The following C1orf159 variants were observed in gnomAD, a reference collection of about 807,000 sequenced individuals.
The protein encoded by C1orf159 is chromosome 1 open reading frame 159.
Under a neutral mutation model 25.6 loss-of-function variants are expected in C1orf159, and 19 were observed. The ratio of observed to expected loss-of-function variants is 0.74; its 90% CI spans 0.52 to 1.09. The LOEUF (loss-of-function observed/expected upper bound fraction) is 1.09, where lower values mean the gene tolerates loss of function less well. Ranked by LOEUF, C1orf159 falls within the 50% of genes least tolerant of loss-of-function variation. The probability of loss-of-function intolerance (pLI) is 0.00; values close to 1 mark genes in which losing one functional copy is unlikely to be tolerated. For synonymous variants in C1orf159, 139 were observed against 124.7 expected, an observed-to-expected ratio of 1.12 and a Z score of -0.77; for missense variants, 274 against 290.6, an observed-to-expected ratio of 0.94 and a Z score of 0.42.
At chr1:1,083,880 G>C in intron 9 of C1orf159, 1 of 1,530,298 alleles carries the variant, frequency 6.5e-7, no homozygotes, top group Non-Finnish European at 8.9e-7. Context: ...CACTCAGCCT[G>C]TGTCTGTGGC....
At chr1:1,109,955 T>TG (rs1004794015) in intron 1 of C1orf159, among the ~76,000 whole-genome samples, 25 of 152,098 alleles carry the variant, frequency 1.6e-4, no homozygotes, top group African/African-American at 5.6e-4. Context: ...GGCCGTGAAA[T>TG]GGGGGGTCAG....
chr1:1,084,236 G>A (rs1645791824), intron 9 of C1orf159, 117 bp downstream of exon 9: 1 of 1,520,580 alleles, frequency 6.6e-7, no homozygotes, highest in Middle Eastern at 1.8e-4. Flanking sequence ...GGGGACCCGG[G>A]CAGGGGTGGC....
intron 1 of C1orf159, among the ~76,000 whole-genome samples, chr1:1,107,535 C>A (rs146618846): frequency 6.6e-6 from 1 of 152,146 alleles, no homozygotes; most frequent in Non-Finnish European, 1.5e-5. Flanking sequence ...AGAACTTTTA[C>A]GTCTAGCTAG....
chr1:1,111,365 CAAAAAAAAAAAA>C (rs35082223), intron 1 of C1orf159, among the ~76,000 whole-genome samples: 494 of 109,096 alleles, frequency 4.5e-3, no homozygotes, highest in African/African-American at 0.015. Context: ...TCATCTCTAC[CAAAAAAAAAAAA>C]AAAAAAAAAT....
intron 7 of C1orf159, among the ~76,000 whole-genome samples, chr1:1,084,996 C>T (rs1645807152): frequency 6.6e-6 from 1 of 152,144 alleles, no homozygotes; most frequent in South Asian, 2.1e-4. Context: ...GTCCCGTGGC[C>T]ACCAGGGCTG....
chr1:1,095,306 C>T (rs1223352770), intron 1 of C1orf159, among the ~76,000 whole-genome samples: 1 of 152,256 alleles, frequency 6.6e-6, no homozygotes, highest in Non-Finnish European at 1.5e-5. Context: ...GTCTTTTCAT[C>T]ACGGACATGC....
chr1:1,091,873 C>A, intron 2 of C1orf159, 118 bp downstream of exon 2: 2 of 460,806 alleles, frequency 4.3e-6, no homozygotes, highest in South Asian at 3.7e-5. Context: ...GGGGCAGGGC[C>A]GTGGCAGGGG....
intron 3 of C1orf159, chr1:1,091,254 A>G: frequency 1.5e-6 from 1 of 648,986 alleles, no homozygotes; most frequent in Non-Finnish European, 2.7e-6. Flanking sequence ...CGCCTGACCC[A>G]GCCATTCCTG....
At chr1:1,108,256 CCAT>C (rs1391369614) in intron 1 of C1orf159, among the ~76,000 whole-genome samples, 2 of 141,534 alleles carry the variant, frequency 1.4e-5, no homozygotes, top group East Asian at 2.2e-4. Context: ...ACCACAGCCA[CCAT>C]GTCTCAGCAG....
At chr1:1,091,420 C>T (rs1269547665) in intron 3 of C1orf159, 52 bp downstream of exon 3, 2 of 1,446,084 alleles carry the variant, frequency 1.4e-6, no homozygotes, top group East Asian at 2.5e-5. Flanking sequence ...GCCCACCGCC[C>T]TCCACAGAGG....
At chr1:1,112,994 G>A (rs946445042) in intron 1 of C1orf159, among the ~76,000 whole-genome samples, 6 of 152,156 alleles carry the variant, frequency 3.9e-5, no homozygotes, top group Non-Finnish European at 8.8e-5. Flanking sequence ...TTGGGAGTTC[G>A]AGACCAGCCT....
intron 1 of C1orf159, among the ~76,000 whole-genome samples, chr1:1,113,488 G>T (rs1225703386): frequency 6.6e-6 from 1 of 152,156 alleles, no homozygotes; most frequent in Non-Finnish European, 1.5e-5. Flanking sequence ...CACCTCCGGG[G>T]CTGAAGCGAT....
chr1:1,112,153 C>G (rs756976956), intron 1 of C1orf159, among the ~76,000 whole-genome samples: 2 of 152,190 alleles, frequency 1.3e-5, no homozygotes, highest in Non-Finnish European at 2.9e-5. Flanking sequence ...TCTAAAAGAA[C>G]TGGTTGCACC....
intron 1 of C1orf159, among the ~76,000 whole-genome samples, chr1:1,103,805 C>T (rs12040819): frequency 0.07 from 10,617 of 152,210 alleles, 870 homozygotes; most frequent in East Asian, 0.38. Flanking sequence ...GATCCTCTCA[C>T]CCCGGCCTCC....
At chr1:1,086,450 C>T (rs1392345623) in intron 6 of C1orf159, among the ~76,000 whole-genome samples, 2 of 152,258 alleles carry the variant, frequency 1.3e-5, no homozygotes, top group East Asian at 1.9e-4. Flanking sequence ...GCACCCCACT[C>T]ACCTCCACCT....
chr1:1,096,547 G>A (rs1176221253), intron 1 of C1orf159, among the ~76,000 whole-genome samples: 1 of 152,190 alleles, frequency 6.6e-6, no homozygotes, highest in Non-Finnish European at 1.5e-5. Flanking sequence ...GAATTCACCA[G>A]GAAACCATGT....
Position 1,087,607 on chromosome 1 carries a change from G to A in C1orf159, c.149-10C>T, listed in dbSNP as rs145854876. Reference sequence around the variant, plus strand: ...CAGCGCCTGTAACAGCCTGCGTGGGGCAGAGGACGGGCATGTCAGCCAAAG... The same window carrying A: ...CAGCGCCTGTAACAGCCTGCGTGGGACAGAGGACGGGCATGTCAGCCAAAG... On this transcript the variant is annotated splice_polypyrimidine_tract_variant and intron_variant, in intron 4 of 9. Transcript: ENST00000421241. This position sits in a 1 kb window ranked among gnomAD's most constrained non-coding sequence, Gnocchi z 8.3. 1.9e-6 allele frequency: 3 copies of A among 1,538,762 alleles called. No individual in the cohort carries two copies. The highest frequency in any genetic ancestry group is 2.7e-5 in the African/African-American group (2 of 72,942).
At chr1:1,097,376 A>G (rs1329107475) in intron 1 of C1orf159, among the ~76,000 whole-genome samples, 2 of 151,984 alleles carry the variant, frequency 1.3e-5, no homozygotes, top group African/African-American at 2.4e-5. Flanking sequence ...AAGTGCTGGG[A>G]TTACAAGTGT....
chr1:1,109,819 A>G (rs1252983212), intron 1 of C1orf159, among the ~76,000 whole-genome samples: 2 of 152,204 alleles, frequency 1.3e-5, no homozygotes, highest in Admixed American at 6.5e-5. Flanking sequence ...ATTAGGCCCT[A>G]TATGGCCAAA....
Sources: allele counts gnomAD v4.1 joint callset (sites outside exome capture counted in the v4.1 genomes callset), GRCh38; gene constraint gnomAD v4.1.1; non-coding constraint Gnocchi (gnomAD v3.1); transcripts MANE v1.5; gene names NCBI Gene and HGNC (gene_info 2026-07-23, HGNC 2026-07-21).